Variants in COL4A1 observed in about 807,000 individuals in gnomAD.
COL4A1 encodes the protein collagen type IV alpha 1 chain.
A neutral mutation model predicts 216.6 loss-of-function variants in COL4A1; 40 were observed. The ratio of observed to expected loss-of-function variants is 0.18; its 90% CI spans 0.14 to 0.24. The LOEUF (loss-of-function observed/expected upper bound fraction) is 0.24, where lower values mean the gene tolerates loss of function less well. Among genes scored for constraint, COL4A1 ranks in the 10% least tolerant of loss-of-function variants. COL4A1 has a pLI of 1.00. For missense variants in COL4A1, 1,628 were observed against 2,196.8 expected (o/e 0.74, Z 5.18); for synonymous variants, 839 against 810.7 (o/e 1.03, Z -0.59).
intron 2 of COL4A1, among the ~76,000 whole-genome samples, chr13:110,219,668 A>ATATATATGTG (rs1566384712): frequency 1.8e-4 from 8 of 45,428 alleles, no homozygotes; most frequent in South Asian, 1.8e-3. Flanking sequence ...ATATGTATAT[A>ATATATATGTG]TATATATATG....
chr13:110,303,098 C>T (rs983965484), intron 1 of COL4A1, among the ~76,000 whole-genome samples: 2 of 152,178 alleles, frequency 1.3e-5, no homozygotes, highest in African/African-American at 2.4e-5. Context: ...CAGCTCTTAA[C>T]TAAATAACTG....
At position 110,174,591 on chromosome 13, in the gene COL4A1, C is replaced by T. The variant is rs771428462; in HGVS notation, c.3325+32G>A. On this transcript the variant is annotated intron_variant, in intron 38 of 51. Coordinates refer to ENST00000375820, the MANE Select transcript of COL4A1 (RefSeq NM_001845.6). ...GGGCTTTTCTTTGATTTCTTAGATTCCCCAAGTCCAAGAGAAGCCCCCCTC... is the reference window on the plus strand; with the variant it reads ...GGGCTTTTCTTTGATTTCTTAGATTTCCCAAGTCCAAGAGAAGCCCCCCTC... 2.5e-6 allele frequency: 4 copies of T among 1,614,012 alleles called. No individual in the cohort carries two copies. The African/African-American group carries it at 5.3e-5, about 22-fold the overall frequency.
At chr13:110,191,374 G>T in intron 24 of COL4A1, 1 of 302,144 alleles carries the variant, frequency 3.3e-6, no homozygotes, top group Non-Finnish European at 6.0e-6. Context: ...AAAAAGGAAT[G>T]AAAGGAATTG....
intron 48 of COL4A1, chr13:110,161,867 T>A (rs1024741013): frequency 2.4e-4 from 81 of 342,144 alleles, no homozygotes; most frequent in African/African-American, 1.5e-3. Context: ...TGGACCTTTT[T>A]TTTTACAAAG....
rs534447306 is a variant in COL4A1, at chr13:110,175,452, C to T, written c.3059-95G>A. On this transcript the variant is annotated intron_variant, in intron 36 of 51. Coordinates refer to ENST00000375820, the MANE Select transcript of COL4A1 (RefSeq NM_001845.6). ...TCCACAGCCAGCCAAGAATGAGATA[C>T]AAGAACGTGAATCCCCCACAACCAG... is the stretch of plus-strand genomic sequence containing the variant. The T allele has an allele frequency of 2.3e-5, 36 of 1,564,052 alleles. No individual in the cohort carries two copies. In the South Asian group the frequency reaches 3.6e-4, roughly 16 times the overall value.
intron 2 of COL4A1, among the ~76,000 whole-genome samples, chr13:110,219,605 C>T (rs1880271315): frequency 6.7e-6 from 1 of 148,464 alleles, no homozygotes; most frequent in Non-Finnish European, 1.5e-5. Context: ...CGCACCTCAG[C>T]TTATGATGGG....
chr13:110,260,885 A>G (rs112673818), intron 1 of COL4A1, among the ~76,000 whole-genome samples: 2 of 151,970 alleles, frequency 1.3e-5, no homozygotes, highest in Non-Finnish European at 2.9e-5. Context: ...AAAATACAAA[A>G]AATTAGCTGG....
intron 2 of COL4A1, 50 bp from the exon 3 acceptor site, chr13:110,214,065 G>A: frequency 2.7e-6 from 4 of 1,491,220 alleles, no homozygotes; most frequent in Non-Finnish European, 3.7e-6. Context: ...AAAGAACAGA[G>A]GAAGGAATTG....
At chr13:110,194,972 A>C (rs760359771) in intron 22 of COL4A1, 51 bp downstream of exon 22, 1 of 1,544,754 alleles carries the variant, frequency 6.5e-7, no homozygotes, top group Non-Finnish European at 8.9e-7. Flanking sequence ...TGTGGGAAAA[A>C]ATCATACGCA....
intron 29 of COL4A1, 33 bp from the exon 30 acceptor site, chr13:110,179,454 G>T: frequency 6.2e-7 from 1 of 1,613,878 alleles, no homozygotes; most frequent in South Asian, 1.1e-5. Context: ...GAAGCAAATT[G>T]ATTTGCAAAG....
intron 45 of COL4A1, among the ~76,000 whole-genome samples, chr13:110,165,808 G>T (rs1039331746): frequency 6.6e-6 from 1 of 152,138 alleles, no homozygotes; most frequent in Non-Finnish European, 1.5e-5. Context: ...GGCTCCCACC[G>T]GTGGAGAAGC....
At chr13:110,240,316 G>A (rs1881504398) in intron 2 of COL4A1, among the ~76,000 whole-genome samples, 1 of 152,206 alleles carries the variant, frequency 6.6e-6, no homozygotes, top group African/African-American at 2.4e-5. Flanking sequence ...TGGGCTCCCT[G>A]GCCTAGGTCC....
At chr13:110,280,738 G>T (rs1480823238) in intron 1 of COL4A1, among the ~76,000 whole-genome samples, 1 of 152,142 alleles carries the variant, frequency 6.6e-6, no homozygotes, top group Non-Finnish European at 1.5e-5. Context: ...GTGCTATTCT[G>T]AGAACTTGTA....
At chr13:110,260,182 G>A (rs1227772450) in intron 1 of COL4A1, among the ~76,000 whole-genome samples, 1 of 152,168 alleles carries the variant, frequency 6.6e-6, no homozygotes, top group African/African-American at 2.4e-5. Context: ...CCACATGGCT[G>A]GGGAGACCTC....
intron 1 of COL4A1, among the ~76,000 whole-genome samples, chr13:110,278,081 A>C (rs945590691): frequency 6.6e-6 from 1 of 152,232 alleles, no homozygotes; most frequent in African/African-American, 2.4e-5. Context: ...TAACGTATTT[A>C]GAATAATATT....
chr13:110,235,565 G>A (rs1053980804), intron 2 of COL4A1, among the ~76,000 whole-genome samples: 3 of 151,578 alleles, frequency 2.0e-5, no homozygotes, highest in African/African-American at 4.8e-5. Context: ...GGAGGAGAAT[G>A]GCGTGAACCA....
chr13:110,200,922 G>T, intron 19 of COL4A1, 33 bp from the exon 20 acceptor site: 2 of 1,612,080 alleles, frequency 1.2e-6, no homozygotes, highest in Non-Finnish European at 1.7e-6. Flanking sequence ...GGATCAAACA[G>T]AACAGTTCAC....
At chr13:110,249,274 C>A (rs1227008390) in intron 1 of COL4A1, among the ~76,000 whole-genome samples, 1 of 151,936 alleles carries the variant, frequency 6.6e-6, no homozygotes, top group African/African-American at 2.4e-5. Context: ...CGGGTGTATA[C>A]GTCGGTAAAA....
Position 110,268,269 on chromosome 13 carries a change from C to T in COL4A1, c.85-25535G>A, listed in dbSNP as rs957160230. ...GGAAAGGCATATGGATGACGAATGG[C>T]TCTGCACACTCCTGTGATGAGCACT... On this transcript the variant is annotated intron_variant, in intron 1 of 51. Transcript: ENST00000375820. This position sits in a 1 kb window ranked among gnomAD's most constrained non-coding sequence, Gnocchi z 4.1. Among the ~76,000 whole-genome samples, 1 of 152,142 alleles carries T rather than the reference C, an allele frequency of 6.6e-6. No individual in the cohort carries two copies. Among genetic ancestry groups the T allele is most frequent in the African/African-American group, 2.4e-5 (1 of 41,440 alleles).
Sources: gnomAD v4.1 joint callset for allele counts (sites outside exome capture counted in the v4.1 genomes callset) on GRCh38, gnomAD v4.1.1 for gene constraint, Gnocchi (gnomAD v3.1) non-coding constraint, MANE v1.5 for transcripts, NCBI Gene and HGNC (gene_info 2026-07-23, HGNC 2026-07-21) for gene names.